The following ZBTB20 variants were observed in gnomAD, a reference collection of about 807,000 sequenced individuals.
The protein encoded by ZBTB20 is zinc finger and BTB domain-containing protein 20.
A neutral mutation model predicts 56.9 loss-of-function variants in ZBTB20; 9 were observed. The ratio of observed to expected loss-of-function variants is 0.16; its 90% confidence interval spans 0.10 to 0.28. The LOEUF (loss-of-function observed/expected upper bound fraction) is 0.28. ZBTB20 is among the 10% of genes least tolerant of loss of function. ZBTB20 has a pLI of 1.00. For synonymous variants in ZBTB20, 417 were observed against 420.7 expected (o/e 0.99, Z 0.11); for missense variants, 655 against 1,003.0 (o/e 0.65, Z 4.69).
chr3:114,926,353 T>G (rs895941144), intron 3 of ZBTB20, among the ~76,000 whole-genome samples: 1 of 152,246 alleles, frequency 6.6e-6, no homozygotes, highest in Non-Finnish European at 1.5e-5. Flanking sequence ...AGAGTTGTAT[T>G]GTGTTTTGTT....
chr3:114,620,304 T>TC (rs2058232504), intron 6 of ZBTB20, among the ~76,000 whole-genome samples: 3 of 152,290 alleles, frequency 2.0e-5, no homozygotes, highest in South Asian at 2.1e-4. Context: ...TCTTTTCTTT[T>TC]TTTTTGAGAT....
rs541414630 is a variant in ZBTB20, at chr3:114,777,688, G to A, written c.-343+23413C>T. On this transcript the variant is annotated intron_variant, in intron 5 of 11. Coordinates refer to ENST00000675478, the MANE Select transcript of ZBTB20 (RefSeq NM_001348800.3). ...CAACCATTGTGGAAGTCGGTGTGGC[G>A]ATTCCGCAGGGGTCTAGAACTAGAA... Among the ~76,000 whole-genome samples, 10 of 152,234 alleles carry A rather than the reference G, an allele frequency of 6.6e-5. No individual in the cohort carries two copies. In the East Asian group the frequency reaches 1.5e-3, roughly 24 times the overall value.
chr3:114,997,726 T>A (rs1166954461), intron 2 of ZBTB20, among the ~76,000 whole-genome samples: 2 of 151,760 alleles, frequency 1.3e-5, no homozygotes, highest in East Asian at 3.9e-4. Context: ...AACAGATTAG[T>A]CTTTTTAAGT....
Position 114,462,200 on chromosome 3 carries a change from T to A in ZBTB20, c.-255+38152A>T, listed in dbSNP as rs561514590. ...TTGTTGGTGATATTGCCTTGATATT[T>A]CATATTAACTAGGGCTCCCAGGTAG... On this transcript the variant is annotated intron_variant, in intron 7 of 11. Transcript: ENST00000675478. 8.5e-5 allele frequency among the ~76,000 whole-genome samples: 13 copies of A among 152,324 alleles called. No homozygotes were observed. In the South Asian group the frequency reaches 2.7e-3, roughly 32 times the overall value.
At chr3:114,573,175 G>A (rs900576294) in intron 6 of ZBTB20, among the ~76,000 whole-genome samples, 2 of 152,044 alleles carry the variant, frequency 1.3e-5, no homozygotes, top group African/African-American at 4.8e-5. Flanking sequence ...TAAAGAAAAT[G>A]AGGGCCAGGC....
At chr3:115,107,191 C>T (rs2083747691) in intron 1 of ZBTB20, among the ~76,000 whole-genome samples, 1 of 152,032 alleles carries the variant, frequency 6.6e-6, no homozygotes, top group Non-Finnish European at 1.5e-5. Flanking sequence ...CTTTGGGAGG[C>T]CAAGGTAGGA....
chr3:114,681,026 T>A (rs1186087681), intron 6 of ZBTB20, among the ~76,000 whole-genome samples: 6 of 152,184 alleles, frequency 3.9e-5, no homozygotes, highest in African/African-American at 1.4e-4. Context: ...CAGACTAACA[T>A]TTACAAAGCT....
At chr3:114,765,764 C>T (rs985699689) in intron 5 of ZBTB20, among the ~76,000 whole-genome samples, 1 of 152,062 alleles carries the variant, frequency 6.6e-6, no homozygotes, top group African/African-American at 2.4e-5. Flanking sequence ...AATCAATATG[C>T]TTTTGCAGAA....
intron 1 of ZBTB20, among the ~76,000 whole-genome samples, chr3:115,090,886 T>C (rs2083165850): frequency 6.6e-6 from 1 of 151,906 alleles, no homozygotes; most frequent in South Asian, 2.1e-4. Flanking sequence ...GACTGAAACC[T>C]CTAGATGTAA....
chr3:114,384,114 CTCTCTCTCTCTCTCAT>C (rs1435325795), intron 8 of ZBTB20, among the ~76,000 whole-genome samples: 26 of 149,878 alleles, frequency 1.7e-4, no homozygotes, highest in African/African-American at 6.0e-4. Flanking sequence ...CTCTCTCTCT[CTCTCTCTCTCTCTCAT>C]TCTCTCTCTC....
chr3:114,937,735 T>C (rs746600838), intron 3 of ZBTB20, among the ~76,000 whole-genome samples: 38 of 152,086 alleles, frequency 2.5e-4, no homozygotes, highest in Non-Finnish European at 8.8e-5. Flanking sequence ...ATGTCTTCCT[T>C]TGAGCAGTGT....
In ZBTB20 at chr3:114,326,878, C is replaced by T. The variant is rs2079081383; in HGVS notation, c.*12127G>A. On this transcript the variant is annotated 3_prime_UTR_variant, in exon 12 of 12. Transcript: ENST00000675478. ...ACCAGCCTCAATCTCAGAACATTTCCTAAGCTATATTTGTAAATTCTAGAG... is the reference window on the plus strand; with the variant it reads ...ACCAGCCTCAATCTCAGAACATTTCTTAAGCTATATTTGTAAATTCTAGAG... The T allele has an allele frequency of 6.6e-6, 1 of 152,118 alleles. No homozygotes were observed. The highest frequency in any genetic ancestry group is 1.5e-5 in the Non-Finnish European group (1 of 68,024). The allele number at this position is 152,118 out of a possible 1,614,324, so 9.4% of individuals were successfully genotyped here.
At chr3:115,051,998 G>A (rs560142754) in intron 2 of ZBTB20, among the ~76,000 whole-genome samples, 2 of 152,106 alleles carry the variant, frequency 1.3e-5, no homozygotes, top group African/African-American at 4.8e-5. Flanking sequence ...CAGCAAGCGG[G>A]AAATTTGCAC....
chr3:114,355,783 ACT>A (rs1338445381), intron 10 of ZBTB20, among the ~76,000 whole-genome samples: 1 of 151,778 alleles, frequency 6.6e-6, no homozygotes, highest in Admixed American at 6.6e-5. Flanking sequence ...GAAAATGCTA[ACT>A]CTATTCTTTC....
chr3:114,774,760 TAAGA>T (rs777543828), intron 5 of ZBTB20, among the ~76,000 whole-genome samples: 53 of 152,270 alleles, frequency 3.5e-4, no homozygotes, highest in Non-Finnish European at 5.4e-4. Context: ...CTTTAAAAAA[TAAGA>T]AAGGCATGAT....
At chr3:114,737,681 T>G (rs1400327592) in intron 5 of ZBTB20, among the ~76,000 whole-genome samples, 1 of 152,152 alleles carries the variant, frequency 6.6e-6, no homozygotes, top group Non-Finnish European at 1.5e-5. Context: ...ATGAAACAAA[T>G]GAAATTTTAT....
chr3:114,669,172 C>T (rs1256964834), intron 6 of ZBTB20, among the ~76,000 whole-genome samples: 1 of 152,006 alleles, frequency 6.6e-6, no homozygotes, highest in Non-Finnish European at 1.5e-5. Context: ...AGAAATACCA[C>T]TAAACATCCT....
chr3:114,679,802 T>G (rs906573464), intron 6 of ZBTB20, among the ~76,000 whole-genome samples: 1 of 152,108 alleles, frequency 6.6e-6, no homozygotes, highest in Non-Finnish European at 1.5e-5. Context: ...CCCAAAAAAA[T>G]TATAAATCAT....
At chr3:114,641,478 C>A (rs2059556111) in intron 6 of ZBTB20, among the ~76,000 whole-genome samples, 1 of 151,304 alleles carries the variant, frequency 6.6e-6, no homozygotes, top group East Asian at 1.9e-4. Context: ...AATAATTTTT[C>A]TTATATAGAT....
Sources: allele counts gnomAD v4.1 joint callset (sites outside exome capture counted in the v4.1 genomes callset), GRCh38; gene constraint gnomAD v4.1.1; transcripts MANE v1.5; gene names NCBI Gene and HGNC (gene_info 2026-07-23, HGNC 2026-07-21).